Variants in CTNNA3 observed in about 807,000 individuals in gnomAD.
CTNNA3 encodes catenin alpha 3.
Under a neutral mutation model 95.7 loss-of-function variants are expected in CTNNA3, and 76 were observed. The ratio of observed to expected loss-of-function variants is 0.79; its 90% CI spans 0.66 to 0.96. The LOEUF (loss-of-function observed/expected upper bound fraction) is 0.96. Ranked by LOEUF, CTNNA3 falls within the 40% of genes least tolerant of loss-of-function variation. The probability of loss-of-function intolerance (pLI) is 0.00; values close to 1 mark genes in which losing one functional copy is unlikely to be tolerated. For missense variants in CTNNA3, 1,191 were observed against 1,089.8 expected (o/e 1.09, Z -1.31); for synonymous variants, 431 against 374.4 (o/e 1.15, Z -1.74).
chr10:67,073,609 A>G (rs1281973923), intron 7 of CTNNA3, among the ~76,000 whole-genome samples: 3 of 152,192 alleles, frequency 2.0e-5, no homozygotes, highest in South Asian at 4.1e-4. Context: ...CAGAGATACA[A>G]AATAAAGAGG....
intron 1 of CTNNA3, among the ~76,000 whole-genome samples, chr10:67,705,830 C>A (rs1406112762): frequency 6.6e-6 from 1 of 151,830 alleles, no homozygotes; most frequent in Non-Finnish European, 1.5e-5. Flanking sequence ...CTCTTCCTCT[C>A]GTATGCCCTC....
At chr10:67,191,896 C>CA (rs1201569896) in intron 6 of CTNNA3, among the ~76,000 whole-genome samples, 1 of 151,866 alleles carries the variant, frequency 6.6e-6, no homozygotes, top group Non-Finnish European at 1.5e-5. Context: ...AAAACATACA[C>CA]AAACACCATT....
intron 13 of CTNNA3, among the ~76,000 whole-genome samples, chr10:66,107,707 C>G (rs920633612): frequency 1.3e-5 from 2 of 151,772 alleles, no homozygotes; most frequent in Non-Finnish European, 2.9e-5. Flanking sequence ...CCTAATGAAA[C>G]AGGTGGCATT....
At chr10:66,845,729 A>AAAAAAAAAAAAAAAAAAAAC (rs1297933220) in intron 7 of CTNNA3, among the ~76,000 whole-genome samples, 34 of 87,764 alleles carry the variant, frequency 3.9e-4, no homozygotes, top group Non-Finnish European at 5.6e-4. Context: ...AAAAAAAAAA[A>AAAAAAAAAAAAAAAAAAAAC]CTAAAAAGGT....
intron 15 of CTNNA3, among the ~76,000 whole-genome samples, chr10:66,019,737 G>A (rs2079163269): frequency 6.6e-6 from 1 of 151,856 alleles, no homozygotes; most frequent in Non-Finnish European, 1.5e-5. Flanking sequence ...AAAAAAAATA[G>A]TTAAAAAATT....
chr10:66,406,809 T>G (rs1352469632), intron 11 of CTNNA3, among the ~76,000 whole-genome samples: 1 of 152,268 alleles, frequency 6.6e-6, no homozygotes, highest in South Asian at 2.1e-4. Context: ...TATAATTATG[T>G]CATTATAAGA....
intron 17 of CTNNA3, among the ~76,000 whole-genome samples, chr10:65,922,244 A>C (rs1468465576): frequency 6.6e-6 from 1 of 152,194 alleles, no homozygotes; most frequent in African/African-American, 2.4e-5. Context: ...TAAAATTTTA[A>C]AGTTGACTAG....
At chr10:67,721,933 C>T (rs567568692) in intron 1 of CTNNA3, among the ~76,000 whole-genome samples, 12 of 152,212 alleles carry the variant, frequency 7.9e-5, no homozygotes, top group Non-Finnish European at 1.6e-4. Context: ...TGCAGGTCTG[C>T]TGGAGTTTGC....
At chr10:66,649,784 C>A (rs1345467670) in intron 9 of CTNNA3, among the ~76,000 whole-genome samples, 1 of 152,220 alleles carries the variant, frequency 6.6e-6, no homozygotes, top group Non-Finnish European at 1.5e-5. Context: ...CCTACCAGCC[C>A]TGGCCCTTGG....
intron 5 of CTNNA3, among the ~76,000 whole-genome samples, chr10:67,385,719 G>A (rs535610138): frequency 7.3e-5 from 11 of 151,686 alleles, no homozygotes; most frequent in Non-Finnish European, 1.3e-4. Flanking sequence ...CATTCTGAGC[G>A]CAAAGCAACA....
intron 7 of CTNNA3, among the ~76,000 whole-genome samples, chr10:67,015,105 G>T (rs548309524): frequency 1.3e-3 from 199 of 152,132 alleles, no homozygotes; most frequent in African/African-American, 4.7e-3. Context: ...TCAACATTAG[G>T]TAGTAGCTAT....
chr10:66,969,704 T>C (rs1849617248), intron 7 of CTNNA3, among the ~76,000 whole-genome samples: 1 of 152,180 alleles, frequency 6.6e-6, no homozygotes, highest in Non-Finnish European at 1.5e-5. Context: ...AAAGCTGATA[T>C]ACTTCAAACT....
chr10:66,424,514 A>T (rs2093222912), intron 11 of CTNNA3, among the ~76,000 whole-genome samples: 1 of 152,122 alleles, frequency 6.6e-6, no homozygotes, highest in South Asian at 2.1e-4. Context: ...ATTGTCTTGC[A>T]ATATATTTCT....
chr10:67,511,496 T>C (rs1839627337), intron 5 of CTNNA3, among the ~76,000 whole-genome samples: 1 of 152,172 alleles, frequency 6.6e-6, no homozygotes, highest in Non-Finnish European at 1.5e-5. Flanking sequence ...ATGGATTATG[T>C]TTATTGATTT....
intron 9 of CTNNA3, among the ~76,000 whole-genome samples, chr10:66,663,027 T>C (rs2132447782): frequency 6.6e-6 from 1 of 152,212 alleles, no homozygotes; most frequent in South Asian, 2.1e-4. Flanking sequence ...CTGTCTAATT[T>C]ACCACTGACC....
At chr10:66,629,988 C>G (rs1442781623) in intron 9 of CTNNA3, among the ~76,000 whole-genome samples, 1 of 152,146 alleles carries the variant, frequency 6.6e-6, no homozygotes, top group Non-Finnish European at 1.5e-5. Flanking sequence ...TCCTTCAGAG[C>G]ATGATTCTCA....
At chr10:66,001,949 T>C (rs1589235289) in intron 15 of CTNNA3, among the ~76,000 whole-genome samples, 1 of 152,062 alleles carries the variant, frequency 6.6e-6, no homozygotes, top group Non-Finnish European at 1.5e-5. Flanking sequence ...ACTCTCTCTG[T>C]GTGTAGTTGT....
intron 7 of CTNNA3, among the ~76,000 whole-genome samples, chr10:66,914,872 AC>A (rs1270776879): frequency 6.6e-6 from 1 of 152,200 alleles, no homozygotes; most frequent in African/African-American, 2.4e-5. Context: ...ATATTGCTTG[AC>A]CCAGTGGTAT....
chr10:66,833,430 C>A (rs1394549685), intron 7 of CTNNA3, among the ~76,000 whole-genome samples: 1 of 152,142 alleles, frequency 6.6e-6, no homozygotes, highest in Non-Finnish European at 1.5e-5. Context: ...ATAGAATAAG[C>A]ATTTAAAAAC....
Sources: allele counts gnomAD v4.1 joint callset (sites outside exome capture counted in the v4.1 genomes callset), GRCh38; gene constraint gnomAD v4.1.1; transcripts MANE v1.5; gene names NCBI Gene and HGNC (gene_info 2026-07-23, HGNC 2026-07-21).